POU6F2: variants seen among roughly 807,000 people sequenced by gnomAD.
POU6F2 encodes POU class 6 homeobox 2, also known as POU domain, class 6, transcription factor 2.
In POU6F2, 31 loss-of-function variants were observed where a neutral mutation model predicts 71.3. That is an observed-to-expected ratio of 0.43 (90% CI 0.33 to 0.59). The LOEUF is 0.59. Ranked by LOEUF, POU6F2 falls within the 20% of genes least tolerant of loss-of-function variation. The probability of loss-of-function intolerance (pLI) is 0.04; values close to 1 mark genes in which losing one functional copy is unlikely to be tolerated. For synonymous variants in POU6F2, 347 were observed against 355.7 expected, an observed-to-expected ratio of 0.98 and a Z score of 0.27; for missense variants, 783 against 856.8, an observed-to-expected ratio of 0.91 and a Z score of 1.07.
intron 4 of POU6F2, among the ~76,000 whole-genome samples, chr7:39,260,757 C>T (rs1281228302): frequency 2.0e-5 from 3 of 151,732 alleles, no homozygotes; most frequent in African/African-American, 7.3e-5. Flanking sequence ...AGACACCATG[C>T]CACATACCAC....
At chr7:39,263,877 G>A (rs1784190571) in intron 4 of POU6F2, among the ~76,000 whole-genome samples, 1 of 152,196 alleles carries the variant, frequency 6.6e-6, no homozygotes, top group African/African-American at 2.4e-5. Flanking sequence ...AACAGTGCCT[G>A]GCACTACAGA....
intron 4 of POU6F2, among the ~76,000 whole-genome samples, chr7:39,275,457 G>C (rs1361844757): frequency 6.6e-6 from 1 of 152,138 alleles, no homozygotes; most frequent in Admixed American, 6.5e-5. Context: ...AATCAATATC[G>C]TGAAAATGGC....
At chr7:39,230,956 G>A (rs562000712) in intron 4 of POU6F2, among the ~76,000 whole-genome samples, 3 of 152,196 alleles carry the variant, frequency 2.0e-5, no homozygotes, top group Admixed American at 2.0e-4. Context: ...ACTCCCCCAG[G>A]GTCACTTGGC....
intron 2 of POU6F2, among the ~76,000 whole-genome samples, chr7:39,088,358 T>A (rs1432462757): frequency 6.6e-6 from 1 of 152,212 alleles, no homozygotes; most frequent in Non-Finnish European, 1.5e-5. Flanking sequence ...TTAGCAATTC[T>A]AGTTTACGTA....
chr7:39,432,708 C>T (rs1034178366), intron 6 of POU6F2, among the ~76,000 whole-genome samples: 1 of 152,106 alleles, frequency 6.6e-6, no homozygotes, highest in Non-Finnish European at 1.5e-5. Context: ...GGTGGGGATG[C>T]ACTCTTCCCA....
intron 2 of POU6F2, among the ~76,000 whole-genome samples, chr7:39,138,503 A>G (rs1308597312): frequency 6.6e-6 from 1 of 152,178 alleles, no homozygotes; most frequent in Non-Finnish European, 1.5e-5. Context: ...AGATTCTCAT[A>G]GGAGCACAAA....
chr7:39,303,021 G>T (rs1784979241), intron 4 of POU6F2, among the ~76,000 whole-genome samples: 1 of 152,244 alleles, frequency 6.6e-6, no homozygotes, highest in African/African-American at 2.4e-5. Context: ...GTTCCAAAGT[G>T]ATGCTCATGC....
At chr7:39,310,088 T>G (rs1470032613) in intron 4 of POU6F2, among the ~76,000 whole-genome samples, 1 of 152,134 alleles carries the variant, frequency 6.6e-6, no homozygotes, top group Non-Finnish European at 1.5e-5. Flanking sequence ...TTAAGGTTAC[T>G]ATTGGAGCCT....
At chr7:39,200,830 T>A (rs1584598168) in intron 2 of POU6F2, among the ~76,000 whole-genome samples, 1 of 146,126 alleles carries the variant, frequency 6.8e-6, no homozygotes, top group African/African-American at 2.6e-5. Context: ...GGCAATGGAG[T>A]GAGATGATTT....
At chr7:39,353,995 G>A (rs902379380) in intron 5 of POU6F2, among the ~76,000 whole-genome samples, 1 of 152,118 alleles carries the variant, frequency 6.6e-6, no homozygotes, top group Non-Finnish European at 1.5e-5. Context: ...GGGAAAGGAA[G>A]CTGGCTTTAC....
At chr7:39,170,036 C>A (rs1174074872) in intron 2 of POU6F2, among the ~76,000 whole-genome samples, 1 of 152,080 alleles carries the variant, frequency 6.6e-6, no homozygotes, top group African/African-American at 2.4e-5. Flanking sequence ...GGCGTTGTGG[C>A]AGGCACCTGT....
chr7:39,104,379 G>T (rs951588268), intron 2 of POU6F2, among the ~76,000 whole-genome samples: 1 of 152,202 alleles, frequency 6.6e-6, no homozygotes, highest in Non-Finnish European at 1.5e-5. Context: ...TGGGTGGAGG[G>T]CTAGAATCAT....
intron 1 of POU6F2, among the ~76,000 whole-genome samples, chr7:39,015,894 T>G (rs1397955662): frequency 1.4e-5 from 1 of 71,612 alleles, no homozygotes. Context: ...TTATATATTA[T>G]ATATAGATAT....
At chr7:39,114,844 G>A (rs1041826337) in intron 2 of POU6F2, among the ~76,000 whole-genome samples, 2 of 152,178 alleles carry the variant, frequency 1.3e-5, no homozygotes, top group African/African-American at 2.4e-5. Context: ...TATAAAAGAT[G>A]CATAATATTA....
At chr7:39,367,067 A>C (rs1041647684) in intron 5 of POU6F2, among the ~76,000 whole-genome samples, 2 of 152,104 alleles carry the variant, frequency 1.3e-5, no homozygotes, top group Non-Finnish European at 2.9e-5. Flanking sequence ...TATTTTGAGA[A>C]TCACAAGAAA....
intron 2 of POU6F2, among the ~76,000 whole-genome samples, chr7:39,140,580 T>C (rs530610869): frequency 5.9e-5 from 9 of 152,310 alleles, no homozygotes; most frequent in South Asian, 2.1e-4. Flanking sequence ...TTCCATGACC[T>C]ATTTCCTCAT....
chr7:39,268,638 A>G (rs1784292043), intron 4 of POU6F2, among the ~76,000 whole-genome samples: 2 of 152,228 alleles, frequency 1.3e-5, no homozygotes, highest in African/African-American at 4.8e-5. Context: ...AGATGGATAC[A>G]GCGTGGCTCT....
intron 2 of POU6F2, among the ~76,000 whole-genome samples, chr7:39,127,212 A>G (rs1268751175): frequency 6.6e-6 from 1 of 152,156 alleles, no homozygotes; most frequent in African/African-American, 2.4e-5. Context: ...TGAATTTGAG[A>G]CGTTTTAAGT....
At chr7:39,323,497 G>A (rs768382264) in intron 4 of POU6F2, among the ~76,000 whole-genome samples, 5 of 152,142 alleles carry the variant, frequency 3.3e-5, no homozygotes, top group Non-Finnish European at 7.3e-5. Context: ...GCTGTGGATG[G>A]CCATGCACCA....
Sources: allele counts gnomAD v4.1 joint callset (sites outside exome capture counted in the v4.1 genomes callset), GRCh38; gene constraint gnomAD v4.1.1; transcripts MANE v1.5; gene names NCBI Gene and HGNC (gene_info 2026-07-23, HGNC 2026-07-21).